Variants in TAF1B observed in about 807,000 individuals in gnomAD.
The protein encoded by TAF1B is TATA-box binding protein associated factor, RNA polymerase I subunit B.
A neutral mutation model predicts 83.9 loss-of-function variants in TAF1B; 61 were observed. The observed-to-expected ratio is 0.73, with a 90% CI of 0.59 to 0.90. TAF1B has a LOEUF of 0.90. Among genes scored for constraint, TAF1B ranks in the 40% least tolerant of loss-of-function variants. TAF1B has a pLI of 0.00. For synonymous variants in TAF1B, 221 were observed against 224.6 expected (o/e 0.98, Z 0.14); for missense variants, 625 against 677.0 (o/e 0.92, Z 0.85).
At chr2:9,915,803 G>A (rs1481124692) in intron 12 of TAF1B, among the ~76,000 whole-genome samples, 1 of 152,178 alleles carries the variant, frequency 6.6e-6, no homozygotes, top group Non-Finnish European at 1.5e-5. Context: ...GTTTCTAATG[G>A]TTTCATTCAT....
chr2:9,881,139 G>T (rs1353187613), intron 7 of TAF1B, among the ~76,000 whole-genome samples: 1 of 152,084 alleles, frequency 6.6e-6, no homozygotes, highest in African/African-American at 2.4e-5. Flanking sequence ...TTTAAGAACA[G>T]CCTGGCCAAC....
intron 8 of TAF1B, among the ~76,000 whole-genome samples, chr2:9,886,725 C>T (rs894100937): frequency 1.3e-5 from 2 of 152,222 alleles, no homozygotes; most frequent in Admixed American, 1.3e-4. Flanking sequence ...CTATAATAGC[C>T]ATTGTGGCTT....
chr2:9,908,327 G>A (rs13025784), intron 9 of TAF1B, among the ~76,000 whole-genome samples: 9 of 151,818 alleles, frequency 5.9e-5, no homozygotes, highest in South Asian at 2.1e-4. Context: ...GATTACAGGC[G>A]TGAGCCACCA....
At chr2:9,905,553 C>G (rs148308584) in intron 9 of TAF1B, among the ~76,000 whole-genome samples, 1 of 152,160 alleles carries the variant, frequency 6.6e-6, no homozygotes, top group African/African-American at 2.4e-5. Flanking sequence ...CTCACTATAC[C>G]TGGTTCATAG....
At position 9,882,758 on chromosome 2, in the gene TAF1B, G is replaced by A. The variant is rs112460104; in HGVS notation, c.760G>A (p.Glu254Lys). ...CATAAATGCTTTTCAGCATTTTCCA[G>A]AACAGATGAAATTATATGGACGTGA... ...PYINAFQHFPEQMKLYGRDRG... is the reference protein window; with the variant it reads ...PYINAFQHFPKQMKLYGRDRG... Residue 254 changes from glutamate (E) to lysine (K), a missense_variant, in exon 8 of 15, where the codon GAA (glutamate) becomes AAA (lysine). Physicochemically the swap from Glu to Lys is moderately conservative, Grantham distance 56. Transcript: ENST00000263663. The A allele has an allele frequency of 3.1e-6, 5 of 1,611,574 alleles. No individual in the cohort carries two copies. Among genetic ancestry groups the A allele is most frequent in the Non-Finnish European group, 1.7e-6 (2 of 1,178,874 alleles).
intron 5 of TAF1B, among the ~76,000 whole-genome samples, chr2:9,859,585 A>G (rs1663685737): frequency 6.6e-6 from 1 of 151,934 alleles, no homozygotes; most frequent in Non-Finnish European, 1.5e-5. Context: ...ATGGGGTTTC[A>G]CTGTGTTGGT....
intron 7 of TAF1B, among the ~76,000 whole-genome samples, chr2:9,878,695 G>A (rs971070106): frequency 6.6e-6 from 1 of 152,188 alleles, no homozygotes; most frequent in African/African-American, 2.4e-5. Flanking sequence ...TGCAGGTGTT[G>A]TTCTGGCATC....
intron 5 of TAF1B, among the ~76,000 whole-genome samples, chr2:9,854,886 T>C (rs1663509380): frequency 6.6e-6 from 1 of 152,254 alleles, no homozygotes; most frequent in Non-Finnish European, 1.5e-5. Context: ...CAGCTGTTTT[T>C]AGCAGTTTCT....
At chr2:9,869,354 A>T (rs1324657902) in intron 6 of TAF1B, among the ~76,000 whole-genome samples, 1 of 151,852 alleles carries the variant, frequency 6.6e-6, no homozygotes, top group Non-Finnish European at 1.5e-5. Flanking sequence ...CCTCCTGAGT[A>T]GCTGGGATTA....
At chr2:9,849,205 C>T (rs1486473709) in intron 2 of TAF1B, among the ~76,000 whole-genome samples, 168 bp from the exon 3 acceptor site, 1 of 152,162 alleles carries the variant, frequency 6.6e-6, no homozygotes, top group African/African-American at 2.4e-5. Context: ...GAAAAAACAA[C>T]ATCAACATTA....
chr2:9,849,465 GTTCT>G lies in TAF1B; in HGVS notation c.205+11_205+14del. The G allele has an allele frequency of 6.5e-7, 1 of 1,534,962 alleles. No individual in the cohort carries two copies. Among genetic ancestry groups the G allele is most frequent in the South Asian group, 1.2e-5 (1 of 81,396 alleles). On this transcript the variant is annotated splice_donor_region_variant and intron_variant, in intron 3 of 14. Transcript: ENST00000263663. ...TTAAAAAAAAAAACAATACTGGTAAGTTCTTTCTTCATATGTACTTAACATTCTT... is the reference window on the plus strand; with the variant it reads ...TTAAAAAAAAAAACAATACTGGTAAGTTCTTCATATGTACTTAACATTCTT...
chr2:9,871,272 C>T (rs372670261), intron 6 of TAF1B, among the ~76,000 whole-genome samples: 54 of 152,044 alleles, frequency 3.6e-4, no homozygotes, highest in African/African-American at 1.2e-3. Context: ...TTAGTAGAGA[C>T]GGGGTTTCAT....
chr2:9,872,108 A>G (rs995292487), intron 6 of TAF1B, among the ~76,000 whole-genome samples: 1 of 151,910 alleles, frequency 6.6e-6, no homozygotes, highest in African/African-American at 2.4e-5. Flanking sequence ...CAGGCGGATC[A>G]CGAGGGCAGG....
chr2:9,881,098 C>G (rs1664489703), intron 7 of TAF1B, among the ~76,000 whole-genome samples: 1 of 152,066 alleles, frequency 6.6e-6, no homozygotes, highest in Admixed American at 6.6e-5. Context: ...CTGTGGGAGG[C>G]TAAGGCAGGC....
At chr2:9,918,979 G>T (rs924726520) in intron 12 of TAF1B, 62 bp from the exon 13 acceptor site, 1 of 1,377,162 alleles carries the variant, frequency 7.3e-7, no homozygotes, top group African/African-American at 1.4e-5. Context: ...TAGTGCTTCA[G>T]ACAATGTGTT....
At chr2:9,875,371 C>T (rs748339490) in intron 6 of TAF1B, among the ~76,000 whole-genome samples, 2 of 152,120 alleles carry the variant, frequency 1.3e-5, no homozygotes, top group Non-Finnish European at 2.9e-5. Flanking sequence ...TGCCAAATTG[C>T]TCTTTGTAAA....
chr2:9,902,570 A>G (rs1025621377), intron 8 of TAF1B, among the ~76,000 whole-genome samples: 58 of 152,358 alleles, frequency 3.8e-4, no homozygotes, highest in Middle Eastern at 3.4e-3. Flanking sequence ...TGTTACATGT[A>G]GCACATTCAC....
intron 1 of TAF1B, among the ~76,000 whole-genome samples, chr2:9,844,754 T>C (rs1663146141): frequency 6.6e-6 from 1 of 152,186 alleles, no homozygotes; most frequent in Admixed American, 6.5e-5. Flanking sequence ...GTAAAAAGCC[T>C]GGTACACACA....
intron 7 of TAF1B, among the ~76,000 whole-genome samples, chr2:9,877,488 A>T (rs750375803): frequency 1.3e-5 from 2 of 152,060 alleles, no homozygotes; most frequent in Non-Finnish European, 2.9e-5. Context: ...AACTCACAGA[A>T]CCATTCTTCT....
Sources: gnomAD v4.1 joint callset for allele counts (sites outside exome capture counted in the v4.1 genomes callset) on GRCh38, gnomAD v4.1.1 for gene constraint, MANE v1.5 for transcripts, NCBI Gene and HGNC (gene_info 2026-07-23, HGNC 2026-07-21) for gene names.